Variants in ARMH4 observed in about 807,000 individuals in gnomAD.
ARMH4 encodes the protein armadillo like helical domain containing 4, also known as armadillo-like helical domain-containing protein 4.
ARMH4 carries 49 observed loss-of-function variants against 61.9 expected under a neutral mutation model. The observed-to-expected ratio is 0.79, with a 90% CI of 0.63 to 1.00. ARMH4 has a LOEUF of 1.00. Among genes scored for constraint, ARMH4 ranks in the 50% least tolerant of loss-of-function variants. The pLI, the probability that ARMH4 is intolerant of heterozygous loss-of-function variation, is 0.00. For missense variants in ARMH4, 934 were observed against 930.0 expected, an observed-to-expected ratio of 1.00 and a Z score of -0.06; for synonymous variants, 368 against 341.5, an observed-to-expected ratio of 1.08 and a Z score of -0.85.
chr14:58,062,627 G>A (rs986025202), intron 5 of ARMH4, among the ~76,000 whole-genome samples: 5 of 152,214 alleles, frequency 3.3e-5, no homozygotes, highest in Non-Finnish European at 5.9e-5. Context: ...TGCCGGGCAC[G>A]AGGCTAAGTG....
In ARMH4 at chr14:58,005,057, A is replaced by C; in HGVS notation, c.2247T>G (p.His749Gln). ...NRRRRNGFKR[H>Q]KRKQREFNSM... is the part of the protein sequence containing the mutation. The stretch of plus-strand genomic sequence containing the variant: ...GTTGTTGGTTCCATACCTTTCTTTT[A>C]TGCCTTTTGAAGCCATTTCTCCTTC... The change falls in exon 7 of 8, where the codon CAT becomes CAG. Residue 749 changes from histidine (H) to glutamine (Q), a missense_variant. Physicochemically the swap from His to Gln is conservative, Grantham distance 24. Coordinates refer to ENST00000267485, the MANE Select transcript of ARMH4 (RefSeq NM_001001872.4). The C allele has an allele frequency of 6.2e-7, 1 of 1,614,018 alleles. No homozygotes were observed. The highest frequency in any genetic ancestry group is 8.5e-7 in the Non-Finnish European group (1 of 1,179,904).
chr14:58,053,127 A>G lies in ARMH4; in HGVS notation c.2090-40977T>C, dbSNP rs552928629. ...CTTTCCTGTTGCCCAGTCTATTGTG[A>G]CAAGCTCCTCACTGGCTTCCTCACA... On this transcript the variant is annotated intron_variant, in intron 5 of 7. Coordinates refer to ENST00000267485, the MANE Select transcript of ARMH4 (RefSeq NM_001001872.4). Among the ~76,000 whole-genome samples, 23 of 152,248 alleles carry G rather than the reference A, an allele frequency of 1.5e-4. 1 individual carries two copies. In the South Asian group the frequency reaches 4.8e-3, roughly 32 times the overall value.
intron 5 of ARMH4, among the ~76,000 whole-genome samples, chr14:58,039,300 TC>T (rs1312422599): frequency 6.6e-6 from 1 of 152,180 alleles, no homozygotes; most frequent in Non-Finnish European, 1.5e-5. Context: ...CAGGTGTTTC[TC>T]CCTATAAATC....
intron 5 of ARMH4, among the ~76,000 whole-genome samples, chr14:58,069,521 G>C (rs1297378455): frequency 1.3e-5 from 2 of 152,196 alleles, no homozygotes; most frequent in Non-Finnish European, 2.9e-5. Context: ...CAATGGGTAG[G>C]CCAAGGGAGA....
At chr14:58,030,393 A>G (rs1292207922) in intron 5 of ARMH4, among the ~76,000 whole-genome samples, 1 of 152,232 alleles carries the variant, frequency 6.6e-6, no homozygotes, top group Non-Finnish European at 1.5e-5. Context: ...AGAGTCAACC[A>G]CTAGGCAAAA....
chr14:58,052,236 T>C (rs1884168411), intron 5 of ARMH4, among the ~76,000 whole-genome samples: 1 of 152,138 alleles, frequency 6.6e-6, no homozygotes, highest in Non-Finnish European at 1.5e-5. Context: ...CTGTTCCTCT[T>C]ATTCTCATTT....
chr14:58,063,091 C>A (rs1187820084), intron 5 of ARMH4, among the ~76,000 whole-genome samples: 1 of 152,166 alleles, frequency 6.6e-6, no homozygotes, highest in Non-Finnish European at 1.5e-5. Context: ...AGAGGAGGGT[C>A]CTTCCTTGTC....
intron 5 of ARMH4, among the ~76,000 whole-genome samples, chr14:58,027,742 C>A (rs138662249): frequency 3.2e-4 from 49 of 152,168 alleles, no homozygotes; most frequent in African/African-American, 1.1e-3. Context: ...GGACAAAAGG[C>A]AACTTTGGGA....
intron 5 of ARMH4, among the ~76,000 whole-genome samples, chr14:58,029,889 C>G: frequency 6.6e-6 from 1 of 152,116 alleles, no homozygotes; most frequent in Non-Finnish European, 1.5e-5. Flanking sequence ...GGTCCTCAAA[C>G]AAATACGTGT....
At position 58,043,094 on chromosome 14, in the gene ARMH4, A is replaced by T. The variant is rs554392784; in HGVS notation, c.2090-30944T>A. Among the ~76,000 whole-genome samples the T allele has an allele frequency of 2.0e-5, 3 of 152,316 alleles. No homozygotes were observed. In the East Asian group the frequency reaches 5.8e-4, roughly 29 times the overall value. ...ATAGAAAAAGAGGGAATCCTCCCTAACTCATTTTATGAGGCCAGCATCATA... is the reference window on the plus strand; with the variant it reads ...ATAGAAAAAGAGGGAATCCTCCCTATCTCATTTTATGAGGCCAGCATCATA... On this transcript the variant is annotated intron_variant, in intron 5 of 7. Coordinates refer to ENST00000267485, the MANE Select transcript of ARMH4 (RefSeq NM_001001872.4).
chr14:58,052,529 C>G (rs775718605), intron 5 of ARMH4, among the ~76,000 whole-genome samples: 47 of 152,126 alleles, frequency 3.1e-4, no homozygotes, highest in Non-Finnish European at 5.1e-4. Flanking sequence ...CAGTCGACCA[C>G]TCCCTCTATA....
chr14:58,138,789 T>C lies in ARMH4; in HGVS notation c.570A>G (p.Gln190=), dbSNP rs144908337. The part of the protein sequence containing the change: ...TKGFLKYMDN[Q]SFATESQEGV... ...CTTCCTGACTTTCAGTTGCAAATGA[T>C]TGATTATCCATATACTTCAGAAAAC... Residue 190 remains glutamine (Q), a synonymous_variant, in exon 2 of 8, where the codon CAA becomes CAG. Coordinates refer to ENST00000267485, the MANE Select transcript of ARMH4 (RefSeq NM_001001872.4). 187 of 1,614,236 alleles carry C rather than the reference T, an allele frequency of 1.2e-4. 2 individuals carry two copies. In the East Asian group the frequency reaches 3.7e-3, roughly 32 times the overall value.
At chr14:58,005,705 T>C (rs988585029) in intron 6 of ARMH4, among the ~76,000 whole-genome samples, 3 of 151,496 alleles carry the variant, frequency 2.0e-5, no homozygotes, top group Non-Finnish European at 4.4e-5. Context: ...AAAAGAAAGA[T>C]GAAAATGCTT....
chr14:58,049,325 G>T (rs1047060921), intron 5 of ARMH4, among the ~76,000 whole-genome samples: 2 of 151,888 alleles, frequency 1.3e-5, no homozygotes, highest in Non-Finnish European at 2.9e-5. Context: ...TATTTCTGAA[G>T]TATAAAAAAT....
chr14:58,120,485 T>A (rs1167968859), intron 4 of ARMH4, among the ~76,000 whole-genome samples: 1 of 152,146 alleles, frequency 6.6e-6, no homozygotes, highest in East Asian at 1.9e-4. Flanking sequence ...GTCCTTTTTT[T>A]GTGATCCTTT....
intron 5 of ARMH4, among the ~76,000 whole-genome samples, chr14:58,026,628 T>C (rs12895361): frequency 0.013 from 1,928 of 152,282 alleles, 34 homozygotes; most frequent in East Asian, 0.082. Context: ...GTGACTTGCT[T>C]ACCAGATCTG....
At chr14:58,022,772 C>T (rs1023666693) in intron 5 of ARMH4, among the ~76,000 whole-genome samples, 1 of 152,178 alleles carries the variant, frequency 6.6e-6, no homozygotes. Flanking sequence ...TTTGCCATAC[C>T]AATTTCATTC....
At position 58,003,279 on chromosome 14, in the gene ARMH4, T is replaced by C. The variant is rs1362043319; in HGVS notation, c.*1457A>G. Reference sequence around the variant, plus strand: ...ATAAGGGTGCATGGCTGGGTCCAAGTGGGTTCTCACGCTGATTCTCTCTGG... The same window carrying C: ...ATAAGGGTGCATGGCTGGGTCCAAGCGGGTTCTCACGCTGATTCTCTCTGG... On this transcript the variant is annotated 3_prime_UTR_variant, in exon 8 of 8. Coordinates refer to ENST00000267485, the MANE Select transcript of ARMH4 (RefSeq NM_001001872.4). 6.6e-6 allele frequency: 1 copy of C among 152,222 alleles called. No individual in the cohort carries two copies. Among genetic ancestry groups the C allele is most frequent in the Non-Finnish European group, 1.5e-5 (1 of 68,034 alleles). The allele number at this position is 152,222 out of a possible 1,614,324, so 9.4% of individuals were successfully genotyped here.
At chr14:58,019,393 TTTTA>T (rs762479716) in intron 5 of ARMH4, among the ~76,000 whole-genome samples, 7 of 150,362 alleles carry the variant, frequency 4.7e-5, no homozygotes, top group Non-Finnish European at 7.5e-5. Flanking sequence ...TATATATGAT[TTTTA>T]TTTGTCAATT....
Sources: allele counts gnomAD v4.1 joint callset (sites outside exome capture counted in the v4.1 genomes callset), GRCh38; gene constraint gnomAD v4.1.1; transcripts MANE v1.5; gene names NCBI Gene and HGNC (gene_info 2026-07-23, HGNC 2026-07-21).